ST7: variants seen among roughly 807,000 people sequenced by gnomAD.
ST7 encodes suppressor of tumorigenicity 7 protein.
A neutral mutation model predicts 78.7 loss-of-function variants in ST7; 28 were observed. The observed-to-expected ratio is 0.36, with a 90% CI of 0.26 to 0.49. The LOEUF (loss-of-function observed/expected upper bound fraction) is 0.49. ST7 is among the 20% of genes least tolerant of loss of function. ST7 has a pLI of 0.99. For missense variants in ST7, 418 were observed against 696.0 expected (o/e 0.60, Z 4.49); for synonymous variants, 247 against 249.6 (o/e 0.99, Z 0.10).
At chr7:117,212,017 G>T (rs993415383) in intron 13 of ST7, among the ~76,000 whole-genome samples, 5 of 152,188 alleles carry the variant, frequency 3.3e-5, no homozygotes, top group Admixed American at 2.0e-4. Flanking sequence ...CCACTCTGGA[G>T]AAGTGTTTGT....
chr7:117,026,357 A>G (rs1796181983), intron 1 of ST7, among the ~76,000 whole-genome samples: 1 of 152,194 alleles, frequency 6.6e-6, no homozygotes, highest in African/African-American at 2.4e-5. Flanking sequence ...TTTGAAGAGT[A>G]TTGATATCCT....
At chr7:117,094,861 C>T (rs1039260426) in intron 1 of ST7, among the ~76,000 whole-genome samples, 1 of 152,078 alleles carries the variant, frequency 6.6e-6, no homozygotes, top group African/African-American at 2.4e-5. Context: ...AAACTTTTCT[C>T]CCAGGGACTC....
At chr7:117,074,524 A>G (rs536144388) in intron 1 of ST7, among the ~76,000 whole-genome samples, 1 of 152,308 alleles carries the variant, frequency 6.6e-6, no homozygotes, top group South Asian at 2.1e-4. Context: ...CACCCCACAC[A>G]CTGTGAGCTA....
chr7:117,215,608 G>A (rs1370386320), intron 13 of ST7, among the ~76,000 whole-genome samples: 1 of 152,132 alleles, frequency 6.6e-6, no homozygotes, highest in South Asian at 2.1e-4. Flanking sequence ...AACGACCCAC[G>A]CAAAGTCATA....
At chr7:117,176,362 C>T (rs1292713035) in intron 10 of ST7, among the ~76,000 whole-genome samples, 1 of 152,138 alleles carries the variant, frequency 6.6e-6, no homozygotes, top group Non-Finnish European at 1.5e-5. Context: ...TGGTAATTTG[C>T]AGAGGGTATA....
chr7:117,212,806 A>G (rs1300472720), intron 13 of ST7, among the ~76,000 whole-genome samples: 1 of 152,190 alleles, frequency 6.6e-6, no homozygotes, highest in East Asian at 1.9e-4. Context: ...CTCATTACAG[A>G]TGTTTTTGGT....
intron 1 of ST7, among the ~76,000 whole-genome samples, chr7:116,978,098 T>G (rs1793786889): frequency 6.6e-6 from 1 of 152,200 alleles, no homozygotes; most frequent in Non-Finnish European, 1.5e-5. Flanking sequence ...CTTGGCTGAA[T>G]CATTCCATGG....
chr7:116,953,759 GCGGGGCCGCGGCCAGGCGCGCGCT>G (rs1215544631), intron 1 of ST7, 68 bp downstream of exon 1: 30 of 1,166,810 alleles, frequency 2.6e-5, no homozygotes, highest in East Asian at 4.2e-5. Context: ...TGCAACTCGC[GCGGGGCCGCGGCCAGGCGCGCGCT>G]CGGGGACGCG....
chr7:117,019,933 G>A (rs1425552917), intron 1 of ST7, among the ~76,000 whole-genome samples: 2 of 152,042 alleles, frequency 1.3e-5, no homozygotes, highest in African/African-American at 4.8e-5. Flanking sequence ...TATATGCTGC[G>A]CAAAACCAAG....
At chr7:117,193,458 C>A (rs1370775752) in intron 12 of ST7, among the ~76,000 whole-genome samples, 1 of 152,204 alleles carries the variant, frequency 6.6e-6, no homozygotes, top group African/African-American at 2.4e-5. Flanking sequence ...ATATTATTAT[C>A]CCTATTACAT....
chr7:116,997,817 T>C (rs1027248590), intron 1 of ST7, among the ~76,000 whole-genome samples: 9 of 151,906 alleles, frequency 5.9e-5, no homozygotes, highest in African/African-American at 1.9e-4. Flanking sequence ...GTGCTGACTG[T>C]TACATTTACA....
At position 117,193,150 on chromosome 7, in the gene ST7, T is replaced by TACACACACACACACACACACAC. The variant is rs137866535; in HGVS notation, c.1254+2225_1254+2246dup. Among the ~76,000 whole-genome samples, 37 of 144,972 alleles carry TACACACACACACACACACACAC rather than the reference T, an allele frequency of 2.6e-4. 1 individual carries two copies. Among genetic ancestry groups the TACACACACACACACACACACAC allele is most frequent in the South Asian group, 8.9e-4 (4 of 4,504 alleles). ...GCTCTAAATATCTAACTTTAGCAGA[T>TACACACACACACACACACACAC]ACACACACACACACACACACACACA... On this transcript the variant is annotated intron_variant, in intron 12 of 15. Coordinates refer to ENST00000323984, the MANE Select transcript of ST7 (RefSeq NM_001369598.1).
intron 1 of ST7, among the ~76,000 whole-genome samples, chr7:117,094,200 A>G (rs958221151): frequency 6.6e-6 from 1 of 152,138 alleles, no homozygotes; most frequent in Non-Finnish European, 1.5e-5. Context: ...GTAATTTCAC[A>G]TATCTAATTC....
At position 117,084,689 on chromosome 7, in the gene ST7, G is replaced by A. The variant is rs118175680; in HGVS notation, c.152-15073G>A. ...CATGTAAAGCATTTAGCCCATTGCT[G>A]GTTGTTTTATGAAGATTCTATGAGT... On this transcript the variant is annotated intron_variant, in intron 1 of 15. Transcript: ENST00000323984. Among the ~76,000 whole-genome samples, 674 of 152,158 alleles carry A rather than the reference G, an allele frequency of 4.4e-3. 15 individuals are homozygous for A. Among genetic ancestry groups the A allele is most frequent in the Admixed American group, 0.031 (472 of 15,288 alleles).
intron 2 of ST7, among the ~76,000 whole-genome samples, chr7:117,109,123 A>G (rs1171028516): frequency 6.6e-6 from 1 of 152,034 alleles, no homozygotes; most frequent in Non-Finnish European, 1.5e-5. Flanking sequence ...TGTGGCTAGG[A>G]TTTCCAGTAC....
intron 2 of ST7, among the ~76,000 whole-genome samples, chr7:117,104,329 G>A (rs2116835102): frequency 6.6e-6 from 1 of 152,246 alleles, no homozygotes; most frequent in Non-Finnish European, 1.5e-5. Context: ...AGTCCCAGCT[G>A]TTCAGGAGGC....
At chr7:116,994,730 T>G (rs986580410) in intron 1 of ST7, among the ~76,000 whole-genome samples, 3 of 152,160 alleles carry the variant, frequency 2.0e-5, no homozygotes, top group Non-Finnish European at 2.9e-5. Flanking sequence ...ATTGGAGGAG[T>G]TCTCTCTTAG....
chr7:117,036,914 C>T (rs1400708888), intron 1 of ST7, among the ~76,000 whole-genome samples: 3 of 152,032 alleles, frequency 2.0e-5, no homozygotes, highest in African/African-American at 7.2e-5. Flanking sequence ...GACTTTTTTT[C>T]TTTCAGCGCT....
At chr7:117,079,444 ATCTT>A (rs1310951956) in intron 1 of ST7, among the ~76,000 whole-genome samples, 4 of 152,222 alleles carry the variant, frequency 2.6e-5, no homozygotes, top group African/African-American at 9.6e-5. Context: ...TTCATGTACT[ATCTT>A]TCTAAAACTA....
Sources: allele counts gnomAD v4.1 joint callset (sites outside exome capture counted in the v4.1 genomes callset), GRCh38; gene constraint gnomAD v4.1.1; transcripts MANE v1.5; gene names NCBI Gene and HGNC (gene_info 2026-07-23, HGNC 2026-07-21).